Variants in SLC6A12 observed in about 807,000 individuals in gnomAD.
SLC6A12 encodes sodium- and chloride-dependent betaine transporter.
SLC6A12 carries 50 observed loss-of-function variants against 73.3 expected under a neutral mutation model. The ratio of observed to expected loss-of-function variants is 0.68; its 90% CI spans 0.54 to 0.86. The LOEUF (loss-of-function observed/expected upper bound fraction) is 0.86, where lower values mean the gene tolerates loss of function less well. Among genes scored for constraint, SLC6A12 ranks in the 40% least tolerant of loss-of-function variants. The probability of loss-of-function intolerance (pLI) is 0.00; values close to 1 mark genes in which losing one functional copy is unlikely to be tolerated. For synonymous variants in SLC6A12, 304 were observed against 309.2 expected (o/e 0.98, Z 0.18); for missense variants, 648 against 772.8 (o/e 0.84, Z 1.92).
At chr12:212,270 G>GT in intron 1 of SLC6A12, among the ~76,000 whole-genome samples, 160 bp from the exon 2 acceptor site, 1 of 152,370 alleles carries the variant, frequency 6.6e-6, no homozygotes, top group African/African-American at 2.4e-5. Flanking sequence ...TAGGGCGGTG[G>GT]TCAGAAATGA....
rs769880097 is a variant in SLC6A12 at position 191,115 on chromosome 12, G to A, written c.1798C>T (p.Pro600Ser). The change falls in exon 16 of 16, where the codon CCA (proline) becomes TCA (serine). Residue 600 changes from proline (P) to serine (S), a missense_variant. Physicochemically the swap from Pro to Ser is moderately conservative, Grantham distance 74. Coordinates refer to ENST00000684302, the MANE Select transcript of SLC6A12 (RefSeq NM_001122848.3). ...CCGGCTATCAGTCCTTCCCTTGTTG[G>A]GGAGGGCCCAAAGTTCCGGCCAGCA... The part of the protein sequence containing the change: ...GSAGRNFGPS[P>S]TREGLIAGEK... 4.4e-6 allele frequency: 6 copies of A among 1,356,384 alleles called. No individual in the cohort carries two copies. Among genetic ancestry groups the A allele is most frequent in the Non-Finnish European group, 5.8e-6 (6 of 1,041,028 alleles). 84.0% of individuals were successfully genotyped at this position (1,356,384 alleles called of 1,614,324 possible).
In SLC6A12 at chr12:200,309, C is replaced by T. The variant is rs550748987; in HGVS notation, c.711+342G>A. On this transcript the variant is annotated intron_variant, in intron 7 of 15. Transcript: ENST00000684302. ...ATTTTTAGTAGAGACGGGGTTTTAC[C>T]GTGTTAGCCAGGATGGTCTCGATCT... 5.0e-3 allele frequency among the ~76,000 whole-genome samples: 756 copies of T among 150,896 alleles called. 10 individuals are homozygous for T. The highest frequency in any genetic ancestry group is 0.016 in the African/African-American group (663 of 40,580).
At chr12:189,135 G>C (rs1399775844), downstream of SLC6A12, among the ~76,000 whole-genome samples, 4 of 152,342 alleles carry the variant, frequency 2.6e-5, no homozygotes, top group African/African-American at 7.2e-5. Flanking sequence ...GACGGGTGCC[G>C]CGGCGTTTGC....
intron 2 of SLC6A12, chr12:210,363 G>T: frequency 9.0e-7 from 1 of 1,114,100 alleles, no homozygotes; most frequent in South Asian, 2.3e-5. Context: ...ATCCCAGCCG[G>T]CCCATCTGCC....
intron 13 of SLC6A12, among the ~76,000 whole-genome samples, chr12:194,401 G>A (rs1371989459): frequency 1.3e-5 from 2 of 152,236 alleles, no homozygotes; most frequent in Non-Finnish European, 2.9e-5. Context: ...GGCACCCACT[G>A]GCCCTCTGCC....
At position 196,875 on chromosome 12, in the gene SLC6A12, C is replaced by T; in HGVS notation, c.1083G>A (p.Gly361=). 6.2e-7 allele frequency: 1 copy of T among 1,613,052 alleles called. No individual in the cohort carries two copies. Among genetic ancestry groups the T allele is most frequent in the Non-Finnish European group, 8.5e-7 (1 of 1,179,274 alleles). ...CCTTGGGGAAGGCGATGAAGGCCAGCCCAGGACCTGCCAGGTACACAGCAC... is the reference window on the plus strand; with the variant it reads ...CCTTGGGGAAGGCGATGAAGGCCAGTCCAGGACCTGCCAGGTACACAGCAC... The part of the protein sequence containing the change: ...PISEVAESGP[G]LAFIAFPKAV... The change falls in exon 11 of 16, where the codon GGG becomes GGA. Residue 361 remains glycine (G), a synonymous_variant. Transcript: ENST00000684302.
rs1940287927 is a variant in SLC6A12 at position 201,902 on chromosome 12, G to T, written c.491-53C>A. 6 of 1,505,080 alleles carry T rather than the reference G, an allele frequency of 4.0e-6. No homozygotes were observed. The African/African-American group carries it at 5.5e-5, about 14-fold the overall frequency. The allele number at this position is 1,505,080 out of a possible 1,614,324, so 93.2% of individuals were successfully genotyped here. ...TGGAGAGAGATGCTCTTATACCCTA[G>T]TCCCCCTGGCCCTCTGGCCTTGCAG... On this transcript the variant is annotated intron_variant, in intron 5 of 15. Transcript: ENST00000684302.
At chr12:202,685 C>G in intron 5 of SLC6A12, 55 bp downstream of exon 5, 1 of 1,563,910 alleles carries the variant, frequency 6.4e-7, no homozygotes, top group East Asian at 2.3e-5. Flanking sequence ...GATTCACCAG[C>G]CACCGCAGCC....
At chr12:201,168 G>T (rs216244) in intron 6 of SLC6A12, 108,512 of 205,718 alleles carry the variant, frequency 0.53, 30,626 homozygotes, top group African/African-American at 0.75. Context: ...GGAACTGCAT[G>T]CATGGGTGTG....
At chr12:199,178 G>A (rs995338282) in intron 7 of SLC6A12, 93 of 531,178 alleles carry the variant, frequency 1.8e-4, no homozygotes, top group Admixed American at 1.1e-3. Context: ...CAGGGAGGGA[G>A]GCAGGGTACA....
chr12:192,632 G>T lies in SLC6A12; in HGVS notation c.1547C>A (p.Ser516Tyr). 6.2e-7 allele frequency: 1 copy of T among 1,614,120 alleles called. No homozygotes were observed. The highest frequency in any genetic ancestry group is 1.3e-5 in the African/African-American group (1 of 75,016). ...CTTGAGGGGGGTGTACTTGCTCAAG[G>T]AGAAGAGGAAAGTGGCCTGGGAGAA... ...PGLCLATFLF[S>Y]LSKYTPLKYN... The change falls in exon 15 of 16, where the codon TCC (serine) becomes TAC (tyrosine). Residue 516 changes from serine to tyrosine, a missense_variant. Ser to Tyr is a moderately radical substitution (Grantham distance 144). Transcript: ENST00000684302.
intron 1 of SLC6A12, among the ~76,000 whole-genome samples, chr12:212,474 G>A (rs1208105321): frequency 6.6e-6 from 1 of 152,178 alleles, no homozygotes; most frequent in African/African-American, 2.4e-5. Context: ...AGTGCAAAAA[G>A]AGAACATGAG....
intron 2 of SLC6A12, 49 bp from the exon 3 acceptor site, chr12:210,092 A>T: frequency 6.7e-7 from 1 of 1,494,524 alleles, no homozygotes; most frequent in Non-Finnish European, 8.9e-7. Flanking sequence ...TGCTCCCGCC[A>T]GCCCTGCTTT....
rs757577694 is a variant in SLC6A12, at chr12:195,334, G to T, written c.1327-7C>A. The T allele has an allele frequency of 6.4e-7, 1 of 1,574,300 alleles. No individual in the cohort carries two copies. The highest frequency in any genetic ancestry group is 1.3e-5 in the African/African-American group (1 of 74,262). The stretch of plus-strand genomic sequence containing the variant: ...GGAAGATGTACATCCCGCCCTGTGG[G>T]GAGAGCGTGGAGCTGGGGCATGGCC... On this transcript the variant is annotated splice_region_variant and splice_polypyrimidine_tract_variant and intron_variant, in intron 12 of 15. Transcript: ENST00000684302.
chr12:205,643 A>G (rs116907086), intron 3 of SLC6A12, among the ~76,000 whole-genome samples: 2,476 of 152,354 alleles, frequency 0.016, 23 homozygotes, highest in African/African-American at 0.032. Context: ...CTTCATATCC[A>G]TATTATTATG....
chr12:183,906 T>A, the SLC6A12 span, among the ~76,000 whole-genome samples: 1 of 151,702 alleles, frequency 6.6e-6, no homozygotes, highest in Non-Finnish European at 1.5e-5. Context: ...TCATATTAAC[T>A]CTTTCAGAAA....
At chr12:188,205 C>T (rs12302339), downstream of SLC6A12, among the ~76,000 whole-genome samples, 38,351 of 152,124 alleles carry the variant, frequency 0.25, 5,031 homozygotes, top group Middle Eastern at 0.31. Context: ...CGCACAGGAG[C>T]CCATGGAGGG....
At chr12:204,291 C>A in intron 4 of SLC6A12, 1 of 429,946 alleles carries the variant, frequency 2.3e-6, no homozygotes, top group Non-Finnish European at 4.3e-6. Flanking sequence ...TCTGCCCCTG[C>A]AGGGGTCCCA....
chr12:200,145 G>C (rs1229605859), intron 7 of SLC6A12, among the ~76,000 whole-genome samples: 1 of 129,370 alleles, frequency 7.7e-6, no homozygotes, highest in Non-Finnish European at 1.5e-5. Context: ...GAGTCTGGCT[G>C]TCGCCCAGGC....
Sources: gnomAD v4.1 joint callset for allele counts (sites outside exome capture counted in the v4.1 genomes callset) on GRCh38, gnomAD v4.1.1 for gene constraint, MANE v1.5 for transcripts, NCBI Gene and HGNC (gene_info 2026-07-23, HGNC 2026-07-21) for gene names.